The following RSF1 variants were observed in gnomAD, a reference collection of about 807,000 sequenced individuals.
RSF1 encodes the protein HBV pX-associated protein 8.
Under a neutral mutation model 145.2 loss-of-function variants are expected in RSF1, and 13 were observed. The ratio of observed to expected loss-of-function variants is 0.09; its 90% confidence interval spans 0.06 to 0.14. RSF1 has a LOEUF of 0.14. RSF1 is among the 10% of genes least tolerant of loss of function. The pLI is 1.00. For missense variants in RSF1, 1,517 were observed against 1,718.2 expected, an observed-to-expected ratio of 0.88 and a Z score of 2.07; for synonymous variants, 577 against 592.6, an observed-to-expected ratio of 0.97 and a Z score of 0.38.
Position 77,787,833 on chromosome 11 carries a change from T to TA in RSF1, c.188-23145dup, listed in dbSNP as rs57568918. Among the ~76,000 whole-genome samples the TA allele has an allele frequency of 3.7e-3, 479 of 129,422 alleles. 3 individuals carry two copies. The highest frequency in any genetic ancestry group is 0.014 in the East Asian group (62 of 4,530). The allele number at this position is 129,422 out of a possible 152,430, so 84.9% of individuals were successfully genotyped here. ...CATTGCTAATGTACCTTCAGAACAG[T>TA]AAAAAAAAAAAAAAGTTCGAGTGCT... On this transcript the variant is annotated intron_variant, in intron 1 of 15. Transcript: ENST00000308488.
In RSF1 at chr11:77,820,512, C is replaced by A. The variant is rs1317750976; in HGVS notation, c.187+16G>T. 6.5e-7 allele frequency: 1 copy of A among 1,546,380 alleles called. No individual in the cohort carries two copies. The highest frequency in any genetic ancestry group is 2.4e-5 in the East Asian group (1 of 40,874). Reference sequence around the variant, plus strand: ...CCAGGGCCGCTTCCCGCCGGGCGTTCGGGCCCCTCGCTTACCTTCTCCGTT... The same window carrying A: ...CCAGGGCCGCTTCCCGCCGGGCGTTAGGGCCCCTCGCTTACCTTCTCCGTT... On this transcript the variant is annotated intron_variant, in intron 1 of 15. Transcript: ENST00000308488.
intron 4 of RSF1, among the ~76,000 whole-genome samples, chr11:77,725,906 T>G (rs1348441112): frequency 6.6e-6 from 1 of 152,200 alleles, no homozygotes; most frequent in Non-Finnish European, 1.5e-5. Context: ...AGAAGAATAT[T>G]AGATTTTCCT....
In RSF1 at chr11:77,820,701, G is replaced by A; in HGVS notation, c.14C>T (p.Ala5Val). The A allele has an allele frequency of 1.3e-6, 2 of 1,549,182 alleles. No individual in the cohort carries two copies. Among genetic ancestry groups the A allele is most frequent in the Non-Finnish European group, 1.7e-6 (2 of 1,147,428 alleles). The change falls in exon 1 of 16, where the codon GCG (alanine) becomes GTG (valine). Residue 5 changes from alanine to valine, a missense_variant. By Grantham distance (64) the Ala-to-Val change is moderately conservative (BLOSUM62 0). This residue lies in a region of RSF1 where 85 missense variants were observed against 91.8 expected (regional missense o/e 0.93). Transcript: ENST00000308488. ...AGGAGCCATCACCGCCGCCGCTGCC[G>A]CCGCCGTCGCCATTTTGAACTGGAG... MATA[A>V]AAAAVMAPPG... is the part of the protein sequence containing the mutation.
intron 15 of RSF1, among the ~76,000 whole-genome samples, chr11:77,669,245 C>A (rs1355032214): frequency 6.6e-6 from 1 of 152,216 alleles, no homozygotes; most frequent in Non-Finnish European, 1.5e-5. Flanking sequence ...CCTCCATCAT[C>A]TCTCACCTGG....
At chr11:77,803,235 C>A (rs1419786059) in intron 1 of RSF1, among the ~76,000 whole-genome samples, 1 of 152,058 alleles carries the variant, frequency 6.6e-6, no homozygotes, top group Non-Finnish European at 1.5e-5. Context: ...GGAGCCTCCA[C>A]CTCCTGGGCT....
chr11:77,820,926 C>T (rs1948869676), upstream of RSF1: 1 of 569,522 alleles, frequency 1.8e-6, no homozygotes. Context: ...GAGCGGCCCT[C>T]GGCGCCTTTC....
chr11:77,862,497 G>A, the RSF1 span, among the ~76,000 whole-genome samples: 447 of 152,280 alleles, frequency 2.9e-3, 2 homozygotes, highest in African/African-American at 0.01. Flanking sequence ...CCACCACTTG[G>A]AGAGGGCATA....
At chr11:77,815,430 A>T (rs887727388) in intron 1 of RSF1, among the ~76,000 whole-genome samples, 3 of 152,234 alleles carry the variant, frequency 2.0e-5, no homozygotes, top group African/African-American at 7.2e-5. Context: ...GACTATACCC[A>T]TCAGGTAGAG....
the RSF1 span, among the ~76,000 whole-genome samples, chr11:77,853,490 C>G: frequency 6.6e-6 from 1 of 152,074 alleles, no homozygotes; most frequent in Non-Finnish European, 1.5e-5. Flanking sequence ...ACGAGAACAG[C>G]AAGGGGGATA....
At position 77,666,825 on chromosome 11, in the gene RSF1, T is replaced by G; in HGVS notation, c.*92A>C. On this transcript the variant is annotated 3_prime_UTR_variant, in exon 16 of 16. Coordinates refer to ENST00000308488, the MANE Select transcript of RSF1 (RefSeq NM_016578.4). ...TTCTAAAAGTCATTCTGTAGTGGAG[T>G]TTTCTAGGAAAAATTAAACAGCTTT... is the stretch of plus-strand genomic sequence containing the variant. 9.0e-7 allele frequency: 1 copy of G among 1,113,898 alleles called. No individual in the cohort carries two copies. The highest frequency in any genetic ancestry group is 1.2e-6 in the Non-Finnish European group (1 of 802,952). 69.0% of individuals were successfully genotyped at this position (1,113,898 alleles called of 1,614,324 possible).
chr11:77,690,161 C>CAAAAAA (rs112481534), intron 9 of RSF1, among the ~76,000 whole-genome samples: 6 of 88,590 alleles, frequency 6.8e-5, no homozygotes, highest in Admixed American at 3.4e-4. Context: ...GACTCCATCT[C>CAAAAAA]AAAAAAAAAA....
intron 14 of RSF1, among the ~76,000 whole-genome samples, chr11:77,672,435 C>T (rs902041438): frequency 1.3e-5 from 2 of 152,160 alleles, no homozygotes; most frequent in Non-Finnish European, 1.5e-5. Flanking sequence ...TGACTCACTA[C>T]AGCCTCAACC....
chr11:77,812,041 G>A (rs1210583214), intron 1 of RSF1, among the ~76,000 whole-genome samples: 1 of 152,096 alleles, frequency 6.6e-6, no homozygotes, highest in African/African-American at 2.4e-5. Context: ...AGCTGGGTGT[G>A]GTGGCACATG....
chr11:77,688,868 C>T (rs773868294), intron 9 of RSF1, among the ~76,000 whole-genome samples: 5 of 152,314 alleles, frequency 3.3e-5, no homozygotes, highest in Non-Finnish European at 7.3e-5. Flanking sequence ...GCATCCATTA[C>T]GAGCCAGAGT....
At chr11:77,818,355 C>T (rs1948801694) in intron 1 of RSF1, among the ~76,000 whole-genome samples, 1 of 152,156 alleles carries the variant, frequency 6.6e-6, no homozygotes, top group Admixed American at 6.5e-5. Flanking sequence ...AAAGAAATTA[C>T]CAAAACAATT....
chr11:77,872,060 C>A, the RSF1 span: 1 of 1,192,918 alleles, frequency 8.4e-7, no homozygotes, highest in Non-Finnish European at 1.1e-6. Flanking sequence ...ACTGAGTGAT[C>A]GTGAAGTGAC....
At chr11:77,751,907 C>T (rs1316414700) in intron 2 of RSF1, among the ~76,000 whole-genome samples, 1 of 152,146 alleles carries the variant, frequency 6.6e-6, no homozygotes, top group Non-Finnish European at 1.5e-5. Context: ...CCTTGGAGAT[C>T]ATTTAGATCC....
At chr11:77,815,911 T>C (rs1310701268) in intron 1 of RSF1, among the ~76,000 whole-genome samples, 2 of 152,220 alleles carry the variant, frequency 1.3e-5, no homozygotes, top group Non-Finnish European at 2.9e-5. Context: ...GGCAAACTTC[T>C]TAATCATTAA....
At chr11:77,811,462 G>A (rs1240605642) in intron 1 of RSF1, among the ~76,000 whole-genome samples, 3 of 152,198 alleles carry the variant, frequency 2.0e-5, no homozygotes, top group African/African-American at 7.2e-5. Context: ...AATCTACAAA[G>A]TGTACGTGCA....
Sources: allele counts gnomAD v4.1 joint callset (sites outside exome capture counted in the v4.1 genomes callset), GRCh38; gene constraint gnomAD v4.1.1; regional missense constraint gnomAD v4.1.1; transcripts MANE v1.5; gene names NCBI Gene and HGNC (gene_info 2026-07-23, HGNC 2026-07-21).